Variants in SGMS1 observed in about 807,000 individuals in gnomAD.
SGMS1 encodes phosphatidylcholine:ceramide cholinephosphotransferase 1.
A neutral mutation model predicts 46.2 loss-of-function variants in SGMS1; 13 were observed. The observed-to-expected ratio is 0.28, with a 90% CI of 0.18 to 0.45. SGMS1 has a LOEUF of 0.45. Among genes scored for constraint, SGMS1 ranks in the 20% least tolerant of loss-of-function variants. SGMS1 has a pLI of 1.00. For missense variants in SGMS1, 324 were observed against 519.9 expected (o/e 0.62, Z 3.66); for synonymous variants, 203 against 187.8 (o/e 1.08, Z -0.66).
At chr10:50,487,983 TATTTTATTTA>T (rs1359962883) in intron 3 of SGMS1, among the ~76,000 whole-genome samples, 1 of 142,364 alleles carries the variant, frequency 7.0e-6, no homozygotes, top group African/African-American at 2.5e-5. Flanking sequence ...ATTTTGTTTT[TATTTTATTTA>T]TTTATTTATT....
rs940301201 is a variant in SGMS1, at chr10:50,566,949, CGTT to C, written c.-589+23201_-589+23203del. Among the ~76,000 whole-genome samples, 12 of 151,532 alleles carry C rather than the reference CGTT, an allele frequency of 7.9e-5. No homozygotes were observed. The South Asian group carries it at 1.3e-3, about 16-fold the overall frequency. ...TGTTTTGTTTTGTTGTTGTTGTTGT[CGTT>C]GTTGTTGTTTTTGAGACAGAGTCTC... On this transcript the variant is annotated intron_variant, in intron 2 of 10. Transcript: ENST00000361781.
At chr10:50,466,966 C>T (rs1425945604) in intron 3 of SGMS1, 34 bp from the exon 4 acceptor site, 1 of 151,956 alleles carries the variant, frequency 6.6e-6, no homozygotes, top group Non-Finnish European at 1.5e-5. Flanking sequence ...AAAGTGCATT[C>T]TTTGTGCAAT....
chr10:50,470,135 T>C (rs1002378570), intron 3 of SGMS1, among the ~76,000 whole-genome samples: 1 of 152,134 alleles, frequency 6.6e-6, no homozygotes, highest in Non-Finnish European at 1.5e-5. Flanking sequence ...CCACACCCTA[T>C]TATTAGAGTT....
At chr10:50,410,571 G>A (rs1369178326) in intron 6 of SGMS1, among the ~76,000 whole-genome samples, 1 of 152,158 alleles carries the variant, frequency 6.6e-6, no homozygotes, top group African/African-American at 2.4e-5. Context: ...ACCATGAGAA[G>A]GATGCATAGT....
At chr10:50,448,980 G>A (rs1477022180) in intron 5 of SGMS1, among the ~76,000 whole-genome samples, 1 of 152,054 alleles carries the variant, frequency 6.6e-6, no homozygotes, top group African/African-American at 2.4e-5. Context: ...TATATCATCA[G>A]GGAAACGCAA....
chr10:50,448,032 G>A (rs1218632427), intron 5 of SGMS1, among the ~76,000 whole-genome samples: 1 of 152,164 alleles, frequency 6.6e-6, no homozygotes, highest in African/African-American at 2.4e-5. Context: ...ATGAAGAGAT[G>A]GGATGGATCA....
At chr10:50,471,516 T>C (rs560464642) in intron 3 of SGMS1, among the ~76,000 whole-genome samples, 5 of 152,344 alleles carry the variant, frequency 3.3e-5, no homozygotes, top group African/African-American at 1.2e-4. Context: ...GAAACAAGTC[T>C]ATGAGACGCA....
At chr10:50,554,974 C>G (rs1190019022) in intron 2 of SGMS1, among the ~76,000 whole-genome samples, 1 of 152,218 alleles carries the variant, frequency 6.6e-6, no homozygotes, top group Non-Finnish European at 1.5e-5. Context: ...TCTAGGCCAA[C>G]TCTTTCCATT....
intron 3 of SGMS1, among the ~76,000 whole-genome samples, chr10:50,487,623 T>G (rs1414446009): frequency 1.3e-5 from 2 of 152,274 alleles, no homozygotes; most frequent in Non-Finnish European, 2.9e-5. Context: ...ATTCATTCAT[T>G]TTATAAGTTT....
intron 7 of SGMS1, among the ~76,000 whole-genome samples, chr10:50,336,904 T>C (rs189765338): frequency 1.0e-3 from 158 of 152,320 alleles, no homozygotes; most frequent in Non-Finnish European, 1.7e-3. Context: ...GTTTGGAACC[T>C]GCCTCTTGAA....
At chr10:50,454,050 CA>C (rs71846628) in intron 5 of SGMS1, among the ~76,000 whole-genome samples, 1,712 of 97,968 alleles carry the variant, frequency 0.017, 29 homozygotes, top group African/African-American at 0.046. Context: ...TTTACATAGG[CA>C]AAAAAAAAAA....
chr10:50,509,456 T>C lies in SGMS1; in HGVS notation c.-498+10375A>G, dbSNP rs974133829. On this transcript the variant is annotated intron_variant, in intron 3 of 10. Transcript: ENST00000361781. ...ATAAGCCATTCTAGGAAAATATACA[T>C]ACACATATATATATCACAGTGCATT... Among the ~76,000 whole-genome samples the C allele has an allele frequency of 3.9e-5, 6 of 152,314 alleles. No individual in the cohort carries two copies. In the East Asian group the frequency reaches 1.2e-3, roughly 29 times the overall value.
At chr10:50,375,654 T>C (rs866533632) in intron 6 of SGMS1, among the ~76,000 whole-genome samples, 17 of 152,164 alleles carry the variant, frequency 1.1e-4, no homozygotes, top group African/African-American at 3.4e-4. Flanking sequence ...GGCTTGTCCT[T>C]GTAGCTTCAC....
chr10:50,599,233 A>G (rs958245417), intron 1 of SGMS1, among the ~76,000 whole-genome samples: 1 of 151,690 alleles, frequency 6.6e-6, no homozygotes, highest in Admixed American at 6.6e-5. Context: ...AAAAAACAGT[A>G]ACAAAAAAGC....
chr10:50,623,252 G>A (rs531814166), intron 1 of SGMS1, among the ~76,000 whole-genome samples: 41 of 152,272 alleles, frequency 2.7e-4, no homozygotes, highest in African/African-American at 9.4e-4. Context: ...CGCCACCTAG[G>A]CTGTGGGGGT....
intron 6 of SGMS1, among the ~76,000 whole-genome samples, chr10:50,388,775 C>CT (rs1267031021): frequency 6.6e-6 from 1 of 152,106 alleles, no homozygotes; most frequent in Non-Finnish European, 1.5e-5. Context: ...AAATAACCTA[C>CT]TACATAAAAC....
At chr10:50,518,311 T>C (rs1004833704) in intron 3 of SGMS1, among the ~76,000 whole-genome samples, 1 of 152,166 alleles carries the variant, frequency 6.6e-6, no homozygotes, top group Non-Finnish European at 1.5e-5. Flanking sequence ...GAAATACAAG[T>C]TATAATTTCC....
At chr10:50,416,931 A>G (rs1233919870) in intron 6 of SGMS1, among the ~76,000 whole-genome samples, 4 of 151,306 alleles carry the variant, frequency 2.6e-5, no homozygotes, top group Admixed American at 2.6e-4. Context: ...TCTCTCCATG[A>G]CAGTCTATCT....
intron 2 of SGMS1, among the ~76,000 whole-genome samples, chr10:50,577,395 G>A (rs1269352279): frequency 6.6e-6 from 1 of 152,072 alleles, no homozygotes; most frequent in African/African-American, 2.4e-5. Flanking sequence ...AGAGCATGAA[G>A]AAGACATAAA....
Sources: gnomAD v4.1 joint callset for allele counts (sites outside exome capture counted in the v4.1 genomes callset) on GRCh38, gnomAD v4.1.1 for gene constraint, MANE v1.5 for transcripts, NCBI Gene and HGNC (gene_info 2026-07-23, HGNC 2026-07-21) for gene names.